Variants in UBR4 observed in about 807,000 individuals in gnomAD.
UBR4 encodes the protein E3 ubiquitin-protein ligase UBR4.
A neutral mutation model predicts 575.6 loss-of-function variants in UBR4; 124 were observed. That is an observed-to-expected ratio of 0.22 (90% CI 0.19 to 0.25). UBR4 has a LOEUF of 0.25. UBR4 is among the 10% of genes least tolerant of loss of function. UBR4 has a pLI of 1.00. For synonymous variants in UBR4, 2,455 were observed against 2,473.7 expected, an observed-to-expected ratio of 0.99 and a Z score of 0.22; for missense variants, 4,818 against 6,478.8, an observed-to-expected ratio of 0.74 and a Z score of 8.80.
chr1:19,189,687 T>G (rs887463684), intron 11 of UBR4, among the ~76,000 whole-genome samples: 1 of 152,190 alleles, frequency 6.6e-6, no homozygotes, highest in Non-Finnish European at 1.5e-5. Context: ...TTATACAACA[T>G]ACATGTATTC....
At chr1:19,181,506 T>C (rs1405318912) in intron 17 of UBR4, among the ~76,000 whole-genome samples, 1 of 152,168 alleles carries the variant, frequency 6.6e-6, no homozygotes, top group Non-Finnish European at 1.5e-5. Flanking sequence ...CTCCTTCCTC[T>C]CCATGCTCTT....
At position 19,120,216 on chromosome 1, in the gene UBR4, C is replaced by T. The variant is rs763353559; in HGVS notation, c.10274G>A (p.Arg3425His). The change falls in exon 69 of 106, where the codon CGC becomes CAC. Residue 3425 changes from arginine (R) to histidine (H), a missense_variant. Transcript: ENST00000375254. ...FLLESNSSSVRWQAHCLTLHI... is the reference protein window; with the variant it reads ...FLLESNSSSVHWQAHCLTLHI... ...CAGTGTCAGACAGTGGGCCTGCCAG[C>T]GCACCGAGGAAGAATTGGACTCTAA... The T allele has an allele frequency of 8.7e-6, 14 of 1,614,042 alleles. No individual in the cohort carries two copies. The East Asian group carries it at 1.3e-4, about 15-fold the overall frequency.
Position 19,117,805 on chromosome 1 carries a change from T to C in UBR4, c.10629+18A>G, listed in dbSNP as rs769156844. 1.4e-5 allele frequency: 23 copies of C among 1,612,398 alleles called. No homozygotes were observed. The highest frequency in any genetic ancestry group is 2.0e-5 in the Non-Finnish European group (23 of 1,178,548). On this transcript the variant is annotated intron_variant, in intron 72 of 105. Coordinates refer to ENST00000375254, the MANE Select transcript of UBR4 (RefSeq NM_020765.3). The surrounding 1 kb of genome is among the most constrained non-coding windows in gnomAD (Gnocchi z 4.0). ...GACCTATTGGCCTCAGGACTGTCCA[T>C]GTACAGATGTTACTTACACAGAACG...
In UBR4 at chr1:19,140,810, G is replaced by T. The variant is rs749735046; in HGVS notation, c.8571C>A (p.Thr2857=). Residue 2857 remains threonine (T), a synonymous_variant, in exon 58 of 106, where the codon ACC becomes ACA. Coordinates refer to ENST00000375254, the MANE Select transcript of UBR4 (RefSeq NM_020765.3). ...APSSSSLDAG[T]LSDTTASAPA... ...TACCTGATGCTGTGGTGTCAGAGAG[G>T]GTTCCTGCGTCCAGAGAGGAAGAGC... is the stretch of plus-strand genomic sequence containing the variant. 5 of 1,613,306 alleles carry T rather than the reference G, an allele frequency of 3.1e-6. No homozygotes were observed. Among genetic ancestry groups the T allele is most frequent in the Non-Finnish European group, 4.2e-6 (5 of 1,179,942 alleles).
chr1:19,137,976 G>C, intron 60 of UBR4, 31 bp downstream of exon 60: 1 of 1,447,038 alleles, frequency 6.9e-7, no homozygotes, highest in Non-Finnish European at 9.2e-7. Context: ...AGATAGGCAA[G>C]CCTCTTAACT....
At chr1:19,078,769 G>A (rs1200521818) in intron 103 of UBR4, 1 of 152,236 alleles carries the variant, frequency 6.6e-6, no homozygotes, top group Non-Finnish European at 1.5e-5. Context: ...CAGTTCCTTG[G>A]AATATGGGGA....
chr1:19,100,035 G>T lies in UBR4; in HGVS notation c.13221+341C>A. The T allele has an allele frequency of 2.3e-6, 1 of 430,800 alleles. No individual in the cohort carries two copies. Among genetic ancestry groups the T allele is most frequent in the Non-Finnish European group, 4.1e-6 (1 of 240,968 alleles). 26.7% of individuals were successfully genotyped at this position (430,800 alleles called of 1,614,324 possible). A position where few individuals can be genotyped will look rare whatever the true frequency, so the allele number is the denominator to read the frequency against. On this transcript the variant is annotated intron_variant, in intron 89 of 105. Coordinates refer to ENST00000375254, the MANE Select transcript of UBR4 (RefSeq NM_020765.3). The surrounding 1 kb of genome is among the most constrained non-coding windows in gnomAD (Gnocchi z 4.2). ...ACGGGGACATAAACCTGCACAGGGGGTAAAACGCCAATATTTAGGGGGCTC... is the reference window on the plus strand; with the variant it reads ...ACGGGGACATAAACCTGCACAGGGGTTAAAACGCCAATATTTAGGGGGCTC...
At position 19,198,676 on chromosome 1, in the gene UBR4, T is replaced by C. The variant is rs1480734911; in HGVS notation, c.513A>G (p.Glu171=). 6.2e-6 allele frequency: 10 copies of C among 1,613,986 alleles called. No homozygotes were observed. Among genetic ancestry groups the C allele is most frequent in the Middle Eastern group, 1.6e-4 (1 of 6,084 alleles). ...CTGGTGAGGCCAGCTCTTTCTGATC[T>C]TCCACTGTAAAATACAAAGGCAAAA... ...PQTVKTLSDV[E]DQKELASPVS... Residue 171 remains glutamate, a synonymous_variant, in exon 5 of 106, where the codon GAA becomes GAG. Coordinates refer to ENST00000375254, the MANE Select transcript of UBR4 (RefSeq NM_020765.3).
rs1259582962 is a variant in UBR4 at position 19,110,967 on chromosome 1, G to A, written c.11802-135C>T. 2 of 824,006 alleles carry A rather than the reference G, an allele frequency of 2.4e-6. No homozygotes were observed. The highest frequency in any genetic ancestry group is 2.9e-5 in the Admixed American group (1 of 34,358). 51.0% of individuals were successfully genotyped at this position (824,006 alleles called of 1,614,324 possible). A position where few individuals can be genotyped will look rare whatever the true frequency, so the allele number is the denominator to read the frequency against. ...CCCAAATTTTCTACTTCCTTCCCGGGGCAAGACTAGAACTTTAGCTTCACA... is the reference window on the plus strand; with the variant it reads ...CCCAAATTTTCTACTTCCTTCCCGGAGCAAGACTAGAACTTTAGCTTCACA... On this transcript the variant is annotated intron_variant, in intron 78 of 105. Transcript: ENST00000375254. The surrounding 1 kb of genome is among the most constrained non-coding windows in gnomAD (Gnocchi z 4.5).
intron 29 of UBR4, 29 bp downstream of exon 29, chr1:19,166,993 G>T (rs1288164507): frequency 6.2e-7 from 1 of 1,612,996 alleles, no homozygotes; most frequent in Non-Finnish European, 8.5e-7. Flanking sequence ...TAGGTCATAG[G>T]AAACCTGACT....
chr1:19,098,092 C>T (rs565756296), intron 90 of UBR4, among the ~76,000 whole-genome samples: 12 of 152,302 alleles, frequency 7.9e-5, no homozygotes, highest in Admixed American at 2.6e-4. Flanking sequence ...TTTGGTAGCA[C>T]GCTAATTCAA....
In UBR4 at chr1:19,093,406, C is replaced by T; in HGVS notation, c.14018G>A (p.Ser4673Asn). 6.2e-7 allele frequency: 1 copy of T among 1,614,218 alleles called. No homozygotes were observed. Among genetic ancestry groups the T allele is most frequent in the Non-Finnish European group, 8.5e-7 (1 of 1,180,032 alleles). Residue 4673 changes from serine to asparagine, a missense_variant, in exon 96 of 106, where the codon AGC becomes AAC. By Grantham distance (46) the Ser-to-Asn change is conservative (BLOSUM62 1). This residue lies in a region of UBR4 where 165 missense variants were observed against 282.3 expected (regional missense o/e 0.58). Coordinates refer to ENST00000375254, the MANE Select transcript of UBR4 (RefSeq NM_020765.3). The surrounding 1 kb of genome is among the most constrained non-coding windows in gnomAD (Gnocchi z 4.8). Reference sequence around the variant, plus strand: ...CAGATCCTTCAGCTGGTGCCCATTGCTGTTGTTCTTGATGCCAGCAGCTAT... The same window carrying T: ...CAGATCCTTCAGCTGGTGCCCATTGTTGTTGTTCTTGATGCCAGCAGCTAT... ...CKIAAGIKNNSNGHQLKDLIL... is the reference protein window; with the variant it reads ...CKIAAGIKNNNNGHQLKDLIL...
intron 34 of UBR4, 98 bp from the exon 35 acceptor site, chr1:19,162,709 A>G: frequency 7.2e-7 from 1 of 1,387,854 alleles, no homozygotes; most frequent in Non-Finnish European, 9.6e-7. Context: ...AGATCAGAGA[A>G]ATGGTATGAG....
At chr1:19,081,910 G>A (rs1375982935) in intron 102 of UBR4, 5 of 610,678 alleles carry the variant, frequency 8.2e-6, no homozygotes, top group Non-Finnish European at 8.9e-6. Flanking sequence ...AACTGTGCTA[G>A]TAACTCCAGA....
rs753115580 is a variant in UBR4, at chr1:19,100,370, C to T, written c.13221+6G>A. The T allele has an allele frequency of 1.2e-6, 2 of 1,613,984 alleles. No individual in the cohort carries two copies. The highest frequency in any genetic ancestry group is 2.2e-5 in the South Asian group (2 of 91,044). ...AACGTGGGCAGCACTGTCCTATGGTCATTACCTCCATGCCACTGTCATCTT... is the reference window on the plus strand; with the variant it reads ...AACGTGGGCAGCACTGTCCTATGGTTATTACCTCCATGCCACTGTCATCTT... On this transcript the variant is annotated splice_donor_region_variant and intron_variant, in intron 89 of 105. Coordinates refer to ENST00000375254, the MANE Select transcript of UBR4 (RefSeq NM_020765.3). This position sits in a 1 kb window ranked among gnomAD's most constrained non-coding sequence, Gnocchi z 4.2.
chr1:19,164,366 A>G lies in UBR4; in HGVS notation c.4587T>C (p.Gly1529=). 2 of 1,614,164 alleles carry G rather than the reference A, an allele frequency of 1.2e-6. No individual in the cohort carries two copies. The highest frequency in any genetic ancestry group is 2.2e-5 in the South Asian group (2 of 91,080). The change falls in exon 33 of 106, where the codon GGT becomes GGC. Residue 1529 remains glycine (G), a synonymous_variant. Transcript: ENST00000375254. ...TPMATEMLAN[G]DGTGFPELMV... ...TAAGTTCAGGGAAGCCAGTCCCATC[A>G]CCGTTGGCCAGCATCTCTGTTGCCA... is the stretch of plus-strand genomic sequence containing the variant.
chr1:19,172,389 T>C (rs1473984128), intron 25 of UBR4, among the ~76,000 whole-genome samples: 2 of 152,082 alleles, frequency 1.3e-5, no homozygotes, highest in Non-Finnish European at 2.9e-5. Context: ...CGGTGGTGCA[T>C]GCCTGTAATC....
chr1:19,158,037 G>A, intron 39 of UBR4, 40 bp from the exon 40 acceptor site: 1 of 1,585,900 alleles, frequency 6.3e-7, no homozygotes, highest in Non-Finnish European at 8.6e-7. Context: ...CAGTAATGAG[G>A]CAAATAAAAT....
At chr1:19,188,386 T>C (rs1407218023) in intron 11 of UBR4, among the ~76,000 whole-genome samples, 1 of 152,002 alleles carries the variant, frequency 6.6e-6, no homozygotes, top group Non-Finnish European at 1.5e-5. Context: ...AGACCCCATC[T>C]CTACAAAATA....
Sources: allele counts gnomAD v4.1 joint callset (sites outside exome capture counted in the v4.1 genomes callset), GRCh38; gene constraint gnomAD v4.1.1; regional missense constraint gnomAD v4.1.1; non-coding constraint Gnocchi (gnomAD v3.1); transcripts MANE v1.5; gene names NCBI Gene and HGNC (gene_info 2026-07-23, HGNC 2026-07-21).